EPSTI1: variants seen among roughly 807,000 people sequenced by gnomAD.
The protein encoded by EPSTI1 is epithelial-stromal interaction protein 1.
EPSTI1 carries 66 observed loss-of-function variants against 49.9 expected under a neutral mutation model. The observed-to-expected ratio is 1.32, with a 90% confidence interval of 1.08 to 1.62. The LOEUF is 1.62. Ranked by LOEUF, EPSTI1 falls within the 40% of genes most tolerant of loss-of-function variation. EPSTI1 has a pLI of 0.00. For synonymous variants in EPSTI1, 137 were observed against 130.7 expected (o/e 1.05, Z -0.33); for missense variants, 394 against 365.5 (o/e 1.08, Z -0.64).
chr13:42,981,134 G>A (rs1044836662), intron 1 of EPSTI1, among the ~76,000 whole-genome samples: 9 of 152,044 alleles, frequency 5.9e-5, no homozygotes, highest in African/African-American at 1.9e-4. Context: ...GGGGGACAGG[G>A]AATTACAAAC....
intron 9 of EPSTI1, among the ~76,000 whole-genome samples, chr13:42,896,216 G>A (rs1345333294): frequency 6.6e-6 from 1 of 152,072 alleles, no homozygotes; most frequent in Non-Finnish European, 1.5e-5. Context: ...CTTCTTTCCT[G>A]TCTTACCATA....
In EPSTI1 at chr13:42,928,234, C is replaced by T. The variant is rs181271958; in HGVS notation, c.564-1805G>A. Among the ~76,000 whole-genome samples the T allele has an allele frequency of 3.6e-3, 549 of 152,266 alleles. 6 individuals are homozygous for T. The highest frequency in any genetic ancestry group is 2.5e-3 in the Non-Finnish European group (173 of 68,004). Reference sequence around the variant, plus strand: ...ACTATACAAAGGAAGTCCCATGTTACGACACTAACTCATATTTTTCTACTA... The same window carrying T: ...ACTATACAAAGGAAGTCCCATGTTATGACACTAACTCATATTTTTCTACTA... On this transcript the variant is annotated intron_variant, in intron 6 of 10. Coordinates refer to ENST00000313624, the MANE Select transcript of EPSTI1 (RefSeq NM_033255.5).
At chr13:42,970,001 C>T (rs1370789761) in intron 2 of EPSTI1, 7 of 152,306 alleles carry the variant, frequency 4.6e-5, no homozygotes, top group African/African-American at 1.7e-4. Context: ...CACTGACCCG[C>T]TGTCCCACCC....
At chr13:42,981,911 AT>A in intron 1 of EPSTI1, among the ~76,000 whole-genome samples, 1 of 151,556 alleles carries the variant, frequency 6.6e-6, no homozygotes, top group South Asian at 2.1e-4. Context: ...TGTCAAATGA[AT>A]TGCTCACTGC....
chr13:42,961,232 A>T (rs2039439395), intron 5 of EPSTI1, among the ~76,000 whole-genome samples: 1 of 152,164 alleles, frequency 6.6e-6, no homozygotes, highest in Non-Finnish European at 1.5e-5. Flanking sequence ...ACATTTAATC[A>T]GGTCTAGCAG....
At chr13:42,932,673 C>CTG (rs2038415836) in intron 6 of EPSTI1, among the ~76,000 whole-genome samples, 1 of 151,132 alleles carries the variant, frequency 6.6e-6, no homozygotes, top group Non-Finnish European at 1.5e-5. Context: ...GCTAAAATCA[C>CTG]TGGGCAAAAG....
chr13:42,979,437 C>G (rs964392821), intron 1 of EPSTI1, among the ~76,000 whole-genome samples: 3 of 151,892 alleles, frequency 2.0e-5, no homozygotes, highest in African/African-American at 7.2e-5. Context: ...AAAAAATTAG[C>G]CGGGCGTGGT....
At chr13:42,912,184 A>C (rs1490532738) in intron 8 of EPSTI1, among the ~76,000 whole-genome samples, 1 of 152,260 alleles carries the variant, frequency 6.6e-6, no homozygotes, top group Non-Finnish European at 1.5e-5. Context: ...GACAGGTTAC[A>C]TTACCAGGGA....
At chr13:42,974,645 C>A (rs1482333610) in intron 1 of EPSTI1, among the ~76,000 whole-genome samples, 30 of 145,402 alleles carry the variant, frequency 2.1e-4, no homozygotes, top group African/African-American at 7.5e-4. Context: ...GGCGACAGAG[C>A]AAGACTCCGT....
chr13:42,920,610 T>C (rs2037965803), intron 7 of EPSTI1, among the ~76,000 whole-genome samples: 1 of 152,114 alleles, frequency 6.6e-6, no homozygotes, highest in Non-Finnish European at 1.5e-5. Context: ...TTCACCCCCA[T>C]ATACCTGCTC....
At chr13:42,947,421 C>A (rs1566145291) in intron 6 of EPSTI1, among the ~76,000 whole-genome samples, 1 of 152,118 alleles carries the variant, frequency 6.6e-6, no homozygotes. Context: ...TAGCATGGAG[C>A]CTTCTTCTCC....
chr13:42,979,397 C>T (rs1274349015), intron 1 of EPSTI1, among the ~76,000 whole-genome samples: 2 of 151,680 alleles, frequency 1.3e-5, no homozygotes, highest in Non-Finnish European at 2.9e-5. Flanking sequence ...GCTAACACGG[C>T]GAAGCCCCGT....
chr13:42,989,169 G>A (rs1028541272), intron 1 of EPSTI1, among the ~76,000 whole-genome samples: 1 of 150,268 alleles, frequency 6.7e-6, no homozygotes, highest in Non-Finnish European at 1.5e-5. Flanking sequence ...CCACAAGTAG[G>A]TGTTTTAAAC....
chr13:42,944,046 T>C (rs9525709), intron 6 of EPSTI1, among the ~76,000 whole-genome samples: 23,856 of 152,074 alleles, frequency 0.16, 2,202 homozygotes, highest in East Asian at 0.37. Context: ...TGTGGAGAAA[T>C]AGGAACACTT....
Position 42,939,674 on chromosome 13 carries a change from A to G in EPSTI1, c.564-13245T>C, listed in dbSNP as rs190448397. ...AATTACAATAGTAACAACAAAGATC[A>G]CTGATCATGGATCACCAAATCAGAT... is the stretch of plus-strand genomic sequence containing the variant. On this transcript the variant is annotated intron_variant, in intron 6 of 10. Coordinates refer to ENST00000313624, the MANE Select transcript of EPSTI1 (RefSeq NM_033255.5). 3.3e-5 allele frequency among the ~76,000 whole-genome samples: 5 copies of G among 152,322 alleles called. No homozygotes were observed. In the East Asian group the frequency reaches 9.6e-4, roughly 29 times the overall value.
At chr13:42,921,596 C>T (rs2037996035) in intron 7 of EPSTI1, among the ~76,000 whole-genome samples, 1 of 152,184 alleles carries the variant, frequency 6.6e-6, no homozygotes, top group South Asian at 2.1e-4. Context: ...CCCAAGATGA[C>T]TTTAAAACAG....
chr13:42,915,144 G>A (rs4942175), intron 8 of EPSTI1, among the ~76,000 whole-genome samples: 143,618 of 152,332 alleles, frequency 0.94, 68,282 homozygotes, highest in East Asian at 1. Context: ...ATTAAAATGT[G>A]TTGTGTTTTG....
At chr13:42,941,749 T>G (rs2038758567) in intron 6 of EPSTI1, among the ~76,000 whole-genome samples, 1 of 151,186 alleles carries the variant, frequency 6.6e-6, no homozygotes, top group Admixed American at 6.6e-5. Flanking sequence ...TTTTTGGAGG[T>G]TACCAAGAGT....
intron 4 of EPSTI1, among the ~76,000 whole-genome samples, 176 bp downstream of exon 4, chr13:42,963,890 G>A (rs2153431365): frequency 6.6e-6 from 1 of 152,244 alleles, no homozygotes; most frequent in African/African-American, 2.4e-5. Flanking sequence ...AGGAATTGAA[G>A]GTATCCATCT....
Sources: allele counts gnomAD v4.1 joint callset (sites outside exome capture counted in the v4.1 genomes callset), GRCh38; gene constraint gnomAD v4.1.1; transcripts MANE v1.5; gene names NCBI Gene and HGNC (gene_info 2026-07-23, HGNC 2026-07-21).